Variants in KIF6 observed in about 807,000 individuals in gnomAD.
The protein encoded by KIF6 is kinesin-like protein KIF6.
KIF6 carries 106 observed loss-of-function variants against 112.7 expected under a neutral mutation model. The observed-to-expected ratio is 0.94, with a 90% confidence interval of 0.80 to 1.11. The LOEUF is 1.11. KIF6 is among the 50% of genes least tolerant of loss of function. The pLI, the probability that KIF6 is intolerant of heterozygous loss-of-function variation, is 0.00. For synonymous variants in KIF6, 339 were observed against 339.9 expected, an observed-to-expected ratio of 1.00 and a Z score of 0.03; for missense variants, 929 against 964.0, an observed-to-expected ratio of 0.96 and a Z score of 0.48.
At chr6:39,509,518 G>C (rs1195167509) in intron 13 of KIF6, among the ~76,000 whole-genome samples, 1 of 152,228 alleles carries the variant, frequency 6.6e-6, no homozygotes, top group Non-Finnish European at 1.5e-5. Context: ...AGAATAGCCA[G>C]TGTAGAGAAG....
At chr6:39,619,954 C>T (rs1783725378) in intron 5 of KIF6, among the ~76,000 whole-genome samples, 1 of 152,020 alleles carries the variant, frequency 6.6e-6, no homozygotes, top group Non-Finnish European at 1.5e-5. Flanking sequence ...TATTCCATGC[C>T]CTAACAATAT....
intron 13 of KIF6, among the ~76,000 whole-genome samples, chr6:39,514,897 G>A (rs1310897269): frequency 6.6e-6 from 1 of 152,188 alleles, no homozygotes; most frequent in Non-Finnish European, 1.5e-5. Flanking sequence ...ATGATAGAAA[G>A]ACCAGCATTG....
intron 13 of KIF6, among the ~76,000 whole-genome samples, chr6:39,446,968 T>G (rs1340719797): frequency 6.6e-6 from 1 of 152,188 alleles, no homozygotes; most frequent in African/African-American, 2.4e-5. Context: ...AAAGTGAAAG[T>G]GTAAAAATGT....
chr6:39,496,010 A>AAGT (rs1775761052), intron 13 of KIF6, among the ~76,000 whole-genome samples: 1 of 152,208 alleles, frequency 6.6e-6, no homozygotes, highest in African/African-American at 2.4e-5. Flanking sequence ...GTCTGGAGAA[A>AAGT]CTTGAGCTAC....
rs147920686 is a variant in KIF6, at chr6:39,674,992, C to T, written c.252-35235G>A. Among the ~76,000 whole-genome samples the T allele has an allele frequency of 4.4e-3, 662 of 151,834 alleles. 6 individuals carry two copies. Among genetic ancestry groups the T allele is most frequent in the African/African-American group, 0.016 (643 of 41,392 alleles). On this transcript the variant is annotated intron_variant, in intron 3 of 22. Coordinates refer to ENST00000287152, the MANE Select transcript of KIF6 (RefSeq NM_145027.6). ...AAAATGACTCAGACTTTCAATTCTC[C>T]CACTATAGCTGTCCAGAAAGCCTAA... is the stretch of plus-strand genomic sequence containing the variant.
rs961441165 is a variant in KIF6 at position 39,722,964 on chromosome 6, C to G, written c.67-2153G>C. 5.9e-5 allele frequency among the ~76,000 whole-genome samples: 9 copies of G among 152,126 alleles called. No individual in the cohort carries two copies. In the South Asian group the frequency reaches 6.2e-4, roughly 10 times the overall value. On this transcript the variant is annotated intron_variant, in intron 1 of 22. Transcript: ENST00000287152. ...AGAAAAGAAAGTTCAGTATTAAATCCAAGACTCTCCATCCACTTCCCTGAG... is the reference window on the plus strand; with the variant it reads ...AGAAAAGAAAGTTCAGTATTAAATCGAAGACTCTCCATCCACTTCCCTGAG...
At chr6:39,491,886 G>A (rs1775500328) in intron 13 of KIF6, among the ~76,000 whole-genome samples, 2 of 152,154 alleles carry the variant, frequency 1.3e-5, no homozygotes, top group African/African-American at 4.8e-5. Flanking sequence ...CTGGAAAATT[G>A]AGGGTGTTGA....
chr6:39,685,262 G>T (rs1787788517), intron 3 of KIF6, among the ~76,000 whole-genome samples: 2 of 152,206 alleles, frequency 1.3e-5, no homozygotes, highest in South Asian at 4.1e-4. Context: ...AGACAACAAG[G>T]CCTCAGGAAA....
At chr6:39,656,655 T>C (rs1344636910) in intron 3 of KIF6, among the ~76,000 whole-genome samples, 1 of 152,220 alleles carries the variant, frequency 6.6e-6, no homozygotes, top group East Asian at 1.9e-4. Flanking sequence ...TCAATTTAAG[T>C]TGTTCTTCCT....
At chr6:39,712,064 A>C (rs984455416) in intron 3 of KIF6, among the ~76,000 whole-genome samples, 2 of 152,152 alleles carry the variant, frequency 1.3e-5, no homozygotes, top group African/African-American at 2.4e-5. Flanking sequence ...AAAGGAAAAA[A>C]AATTAGGGAG....
At chr6:39,631,724 T>TG (rs570517920) in intron 5 of KIF6, among the ~76,000 whole-genome samples, 464 of 148,886 alleles carry the variant, frequency 3.1e-3, no homozygotes, top group African/African-American at 0.012. Flanking sequence ...TTTGTTTTTT[T>TG]GTTTTTTTTG....
At chr6:39,463,844 C>A (rs1246411162) in intron 13 of KIF6, among the ~76,000 whole-genome samples, 6 of 152,136 alleles carry the variant, frequency 3.9e-5, no homozygotes, top group Admixed American at 3.9e-4. Flanking sequence ...CAGATTTTAA[C>A]CAAATAAGTT....
chr6:39,415,940 T>C (rs1347994719), intron 15 of KIF6, among the ~76,000 whole-genome samples: 1 of 152,240 alleles, frequency 6.6e-6, no homozygotes, highest in Non-Finnish European at 1.5e-5. Context: ...TCTCTTTCTT[T>C]GCCTCTCACT....
chr6:39,460,536 TAAA>T (rs759528125), intron 13 of KIF6, among the ~76,000 whole-genome samples: 7 of 57,070 alleles, frequency 1.2e-4, no homozygotes, highest in Admixed American at 4.4e-4. Flanking sequence ...AAAAAAAAAG[TAAA>T]AAAAAAAAAA....
At chr6:39,559,313 A>G (rs1779891481) in intron 10 of KIF6, among the ~76,000 whole-genome samples, 1 of 152,108 alleles carries the variant, frequency 6.6e-6, no homozygotes, top group African/African-American at 2.4e-5. Context: ...AAACTGCCCA[A>G]TTACTTGGGC....
chr6:39,651,503 A>G (rs1397492343), intron 3 of KIF6, among the ~76,000 whole-genome samples: 1 of 152,172 alleles, frequency 6.6e-6, no homozygotes, highest in Non-Finnish European at 1.5e-5. Context: ...ATAATTCCTG[A>G]GAGCCCACAT....
chr6:39,629,156 G>C (rs1784236662), intron 5 of KIF6, among the ~76,000 whole-genome samples: 1 of 152,080 alleles, frequency 6.6e-6, no homozygotes, highest in Admixed American at 6.6e-5. Flanking sequence ...TTTTTGTGTA[G>C]ACATAAGTTT....
At chr6:39,382,971 T>TTTTTTTTTTTTTTTTTTTTGAGACG (rs1562157109) in intron 16 of KIF6, among the ~76,000 whole-genome samples, 29 of 147,604 alleles carry the variant, frequency 2.0e-4, no homozygotes, top group East Asian at 7.9e-4. Context: ...TGTCTTCTTT[T>TTTTTTTTTTTTTTTTTTTTGAGACG]GAGAAGTGTC....
At chr6:39,675,462 G>C (rs893811222) in intron 3 of KIF6, among the ~76,000 whole-genome samples, 8 of 152,102 alleles carry the variant, frequency 5.3e-5, no homozygotes, top group African/African-American at 1.9e-4. Context: ...AAAGTGGTTT[G>C]AAGATGACTA....
Sources: allele counts gnomAD v4.1 joint callset (sites outside exome capture counted in the v4.1 genomes callset), GRCh38; gene constraint gnomAD v4.1.1; transcripts MANE v1.5; gene names NCBI Gene and HGNC (gene_info 2026-07-23, HGNC 2026-07-21).